AUTS2: variants seen among roughly 807,000 people sequenced by gnomAD.
AUTS2 encodes autism susceptibility gene 2 protein.
In AUTS2, 17 loss-of-function variants were observed where a neutral mutation model predicts 112.4. The ratio of observed to expected loss-of-function variants is 0.15; its 90% CI spans 0.10 to 0.23. AUTS2 has a LOEUF of 0.23. Among genes scored for constraint, AUTS2 ranks in the 10% least tolerant of loss-of-function variants. The pLI is 1.00. For missense variants in AUTS2, 1,510 were observed against 1,701.6 expected, an observed-to-expected ratio of 0.89 and a Z score of 1.98; for synonymous variants, 751 against 702.7, an observed-to-expected ratio of 1.07 and a Z score of -1.09.
In AUTS2 at chr7:69,670,555, CAAAAAAAAAAAAAAAAAAAAAA is replaced by C. The variant is rs200373158; in HGVS notation, c.309+70608_309+70629del. Among the ~76,000 whole-genome samples the C allele has an allele frequency of 5.7e-3, 680 of 119,040 alleles. 5 individuals carry two copies. The highest frequency in any genetic ancestry group is 0.017 in the South Asian group (60 of 3,636). The allele number at this position is 119,040 out of a possible 152,430, so 78.1% of individuals were successfully genotyped here. The stretch of plus-strand genomic sequence containing the variant: ...CATGGTTGTTTTTTACTTGATCCCT[CAAAAAAAAAAAAAAAAAAAAAA>C]AAAAAAAAAAAAAAGCAGCTGGGTA... On this transcript the variant is annotated intron_variant, in intron 1 of 18. Transcript: ENST00000342771.
intron 5 of AUTS2, among the ~76,000 whole-genome samples, chr7:70,693,185 G>A (rs771109863): frequency 1.3e-5 from 2 of 152,204 alleles, no homozygotes; most frequent in Non-Finnish European, 2.9e-5. Flanking sequence ...CCCGGGGTGC[G>A]TTCTGGTGGG....
intron 5 of AUTS2, among the ~76,000 whole-genome samples, chr7:70,689,261 C>T (rs1429424962): frequency 6.6e-6 from 1 of 152,128 alleles, no homozygotes; most frequent in Non-Finnish European, 1.5e-5. Flanking sequence ...CTCCCAGCTA[C>T]TCCCAACTAC....
chr7:69,964,021 A>T (rs1467849595), intron 2 of AUTS2, among the ~76,000 whole-genome samples: 1 of 152,184 alleles, frequency 6.6e-6, no homozygotes, highest in Non-Finnish European at 1.5e-5. Context: ...GACTCATGCA[A>T]ATATTAGATA....
At chr7:70,686,537 G>GTTTTGT (rs1345880880) in intron 5 of AUTS2, among the ~76,000 whole-genome samples, 1 of 151,948 alleles carries the variant, frequency 6.6e-6, no homozygotes, top group Non-Finnish European at 1.5e-5. Context: ...GGCCCTTTTT[G>GTTTTGT]TTTTGTTTTT....
intron 4 of AUTS2, among the ~76,000 whole-genome samples, chr7:70,267,127 A>T (rs1284043447): frequency 6.6e-6 from 1 of 152,196 alleles, no homozygotes; most frequent in African/African-American, 2.4e-5. Flanking sequence ...TTGGTTATAG[A>T]CATCCCTATA....
intron 5 of AUTS2, among the ~76,000 whole-genome samples, chr7:70,665,667 C>G (rs1398858424): frequency 6.6e-6 from 1 of 152,082 alleles, no homozygotes; most frequent in Non-Finnish European, 1.5e-5. Flanking sequence ...TGCAGTTGAC[C>G]TTTAAACAAC....
chr7:69,873,536 G>A (rs1562941688), intron 1 of AUTS2, among the ~76,000 whole-genome samples: 1 of 151,542 alleles, frequency 6.6e-6, no homozygotes, highest in South Asian at 2.1e-4. Context: ...TGAGATCGTC[G>A]TGAGATCTAG....
intron 2 of AUTS2, among the ~76,000 whole-genome samples, chr7:70,103,430 G>T (rs1804602332): frequency 6.6e-6 from 1 of 151,906 alleles, no homozygotes; most frequent in African/African-American, 2.4e-5. Context: ...GCAGTAAATA[G>T]AATATTCAGT....
chr7:70,651,738 C>G (rs1311108025), intron 5 of AUTS2, among the ~76,000 whole-genome samples: 1 of 152,058 alleles, frequency 6.6e-6, no homozygotes, highest in Non-Finnish European at 1.5e-5. Flanking sequence ...AGTTAGGGAC[C>G]ATCTGTATGT....
intron 1 of AUTS2, among the ~76,000 whole-genome samples, chr7:69,746,018 C>T (rs927834978): frequency 1.3e-5 from 2 of 151,972 alleles, no homozygotes; most frequent in East Asian, 1.9e-4. Context: ...AAACTACAGG[C>T]GTGCCTCGCT....
intron 4 of AUTS2, among the ~76,000 whole-genome samples, chr7:70,210,554 T>C (rs1810825150): frequency 6.6e-6 from 1 of 152,220 alleles, no homozygotes. Context: ...ATAAAAGTTA[T>C]CTAAATTCAA....
chr7:70,318,175 TATA>T (rs1790088015), intron 4 of AUTS2, among the ~76,000 whole-genome samples: 1 of 151,800 alleles, frequency 6.6e-6, no homozygotes, highest in African/African-American at 2.4e-5. Flanking sequence ...TCATTCAGGG[TATA>T]ATATTGTAGG....
chr7:70,038,045 T>A (rs147692806), intron 2 of AUTS2, among the ~76,000 whole-genome samples: 6 of 143,164 alleles, frequency 4.2e-5, no homozygotes, highest in African/African-American at 1.6e-4. Context: ...AAAGCAGGAA[T>A]GAGGCAGTGG....
chr7:70,528,093 ATTTTTTTTT>A (rs10651355), intron 5 of AUTS2, among the ~76,000 whole-genome samples: 19 of 97,298 alleles, frequency 2.0e-4, no homozygotes, highest in African/African-American at 8.6e-4. Context: ...AAATTTAAGG[ATTTTTTTTT>A]TTTTTTTTTT....
intron 5 of AUTS2, among the ~76,000 whole-genome samples, chr7:70,561,414 C>A (rs554792580): frequency 1.3e-5 from 2 of 152,246 alleles, no homozygotes; most frequent in East Asian, 3.9e-4. Flanking sequence ...TGCTTGAGGC[C>A]AAGAGCTTGA....
intron 4 of AUTS2, among the ~76,000 whole-genome samples, chr7:70,400,306 A>C (rs1334447020): frequency 6.6e-6 from 1 of 152,120 alleles, no homozygotes; most frequent in East Asian, 1.9e-4. Context: ...ACAGACACAG[A>C]GTTGTAGGTA....
chr7:69,740,733 G>A (rs963095068), intron 1 of AUTS2, among the ~76,000 whole-genome samples: 5 of 151,854 alleles, frequency 3.3e-5, no homozygotes, highest in Non-Finnish European at 5.9e-5. Context: ...ACCATGTTAG[G>A]CTGGTCTCAA....
chr7:70,218,011 G>A (rs1452216783), intron 4 of AUTS2, among the ~76,000 whole-genome samples: 1 of 152,124 alleles, frequency 6.6e-6, no homozygotes. Flanking sequence ...TGCTGTAAAG[G>A]TCCAGACCCA....
intron 5 of AUTS2, among the ~76,000 whole-genome samples, chr7:70,500,157 G>A (rs899953542): frequency 6.6e-6 from 1 of 150,654 alleles, no homozygotes; most frequent in East Asian, 1.9e-4. Context: ...GGTTGCTAAA[G>A]GTACTGGTGG....
Sources: allele counts gnomAD v4.1 joint callset (sites outside exome capture counted in the v4.1 genomes callset), GRCh38; gene constraint gnomAD v4.1.1; transcripts MANE v1.5; gene names NCBI Gene and HGNC (gene_info 2026-07-23, HGNC 2026-07-21).